MUC17: variants seen among roughly 807,000 people sequenced by gnomAD.
MUC17 encodes mucin 17, cell surface associated.
A neutral mutation model predicts 170.3 loss-of-function variants in MUC17; 190 were observed. That is an observed-to-expected ratio of 1.12 (90% CI 0.99 to 1.26). MUC17 has a LOEUF of 1.26. Ranked by LOEUF, MUC17 falls within the 50% of genes most tolerant of loss-of-function variation. The pLI, the probability that MUC17 is intolerant of heterozygous loss-of-function variation, is 0.00. For synonymous variants in MUC17, 2,325 were observed against 2,002.5 expected, an observed-to-expected ratio of 1.16 and a Z score of -4.30; for missense variants, 6,415 against 5,530.0, an observed-to-expected ratio of 1.16 and a Z score of -5.08.
intron 4 of MUC17, 144 bp from the exon 5 acceptor site, chr7:101,048,701 C>A: frequency 3.0e-5 from 21 of 704,248 alleles, no homozygotes; most frequent in East Asian, 1.4e-4. Context: ...GGAAATAAAA[C>A]AAGAAGGTGT....
Position 101,036,717 on chromosome 7 carries a change from C to G in MUC17, c.5301C>G (p.Ser1767Arg), listed in dbSNP as rs528518398. The G allele has an allele frequency of 3.7e-6, 6 of 1,612,596 alleles. No homozygotes were observed. Among genetic ancestry groups the G allele is most frequent in the Non-Finnish European group, 5.1e-6 (6 of 1,179,382 alleles). ...CGCCGGTACTCAGTTCTGAGGCTAG[C>G]ACCCTTTCAGCAACTCCTATTGACA... ...STTPVLSSEA[S>R]TLSATPIDTS... is the part of the protein sequence containing the mutation. The change falls in exon 3 of 13, where the codon AGC becomes AGG. Residue 1767 changes from serine (S) to arginine (R), a missense_variant. Ser to Arg is a moderately radical substitution (Grantham distance 110). Transcript: ENST00000306151.
At position 101,020,174 on chromosome 7, in the gene MUC17, C is replaced by T. The variant is rs755168082; in HGVS notation, c.39C>T (p.Thr13=). Residue 13 remains threonine (T), a synonymous_variant, in exon 1 of 13, where the codon ACC becomes ACT. Transcript: ENST00000306151. ...GGACCATGGCGCTGTGTCTGCTGAC[C>T]TTGGTCCTCTCGCTCTTGCCCCCAC... The part of the protein sequence containing the change: ...RPGTMALCLL[T]LVLSLLPPQA... The T allele has an allele frequency of 2.5e-6, 4 of 1,609,776 alleles. No individual in the cohort carries two copies. The East Asian group carries it at 9.0e-5, about 36-fold the overall frequency.
At position 101,041,345 on chromosome 7, in the gene MUC17, C is replaced by A; in HGVS notation, c.9929C>A (p.Thr3310Lys). ...TCAACAACTCCTGCTGACACCAGCA[C>A]ACCTGTGACCACTTATTCTCAAGCC... ...TLSTTPADTS[T>K]PVTTYSQASS... The change falls in exon 3 of 13, where the codon ACA becomes AAA. Residue 3310 changes from threonine (T) to lysine (K), a missense_variant. Physicochemically the swap from Thr to Lys is moderately conservative, Grantham distance 78. Coordinates refer to ENST00000306151, the MANE Select transcript of MUC17 (RefSeq NM_001040105.2). The A allele has an allele frequency of 6.2e-7, 1 of 1,611,464 alleles. No individual in the cohort carries two copies. The highest frequency in any genetic ancestry group is 8.5e-7 in the Non-Finnish European group (1 of 1,178,284).
rs924264870 is a variant in MUC17, at chr7:101,033,228, T to C, written c.1812T>C (p.Ser604=). ...ACTCCAACACTTTTGTGACCACTTC[T>C]AGTGAAGCTAGTTCATCTTCTACAA... ...PADSNTFVTT[S]SEASSSSTTA... is the part of the protein sequence containing the mutation. Residue 604 remains serine, a synonymous_variant, in exon 3 of 13, where the codon TCT becomes TCC. Transcript: ENST00000306151. The C allele has an allele frequency of 2.1e-5, 34 of 1,613,626 alleles. No homozygotes were observed. Among genetic ancestry groups the C allele is most frequent in the Non-Finnish European group, 2.6e-5 (31 of 1,179,968 alleles).
At chr7:101,047,080 CA>C (rs1158089498) in intron 3 of MUC17, among the ~76,000 whole-genome samples, 40 of 103,342 alleles carry the variant, frequency 3.9e-4, no homozygotes, top group South Asian at 6.0e-4. Flanking sequence ...GACTCCGTCT[CA>C]AAAAAAAAAA....
chr7:101,034,081 C>G lies in MUC17; in HGVS notation c.2665C>G (p.Pro889Ala). 6.3e-7 allele frequency: 1 copy of G among 1,585,254 alleles called. No homozygotes were observed. The highest frequency in any genetic ancestry group is 1.7e-5 in the Admixed American group (1 of 58,504). The change falls in exon 3 of 13, where the codon CCT becomes GCT. Residue 889 changes from proline to alanine, a missense_variant. Physicochemically the swap from Pro to Ala is conservative, Grantham distance 27 (BLOSUM62 -1). Coordinates refer to ENST00000306151, the MANE Select transcript of MUC17 (RefSeq NM_001040105.2). ...TSAISTLSTT[P>A]VDTSTPVTNS... ...TGCAATCAGCACCCTTTCAACAACT[C>G]CTGTTGACACCAGCACACCTGTGAC...
chr7:101,052,873 G>A, intron 9 of MUC17, 113 bp from the exon 10 acceptor site: 1 of 1,303,684 alleles, frequency 7.7e-7, no homozygotes, highest in Non-Finnish European at 1.0e-6. Context: ...TATGCCCCCT[G>A]GCAATCTCTT....
intron 3 of MUC17, among the ~76,000 whole-genome samples, chr7:101,046,923 CA>C (rs1794852331): frequency 6.6e-6 from 1 of 151,476 alleles, no homozygotes; most frequent in Admixed American, 6.6e-5. Flanking sequence ...ATTAAAAATA[CA>C]AAAAATTAGC....
intron 1 of MUC17, among the ~76,000 whole-genome samples, chr7:101,021,749 C>A (rs992791152): frequency 6.6e-6 from 1 of 152,136 alleles, no homozygotes; most frequent in African/African-American, 2.4e-5. Context: ...TCCTTTGGGA[C>A]CCTGGCCAGC....
rs149830940 is a variant in MUC17 at position 101,042,494 on chromosome 7, G to T, written c.11078G>T (p.Ser3693Ile). 1.7e-5 allele frequency: 28 copies of T among 1,613,960 alleles called. No individual in the cohort carries two copies. The East Asian group carries it at 3.6e-4, about 21-fold the overall frequency. ...CCAATCTGGACGCCTAGTGAAGGAAGCACTCCATTAACAACTATGCCTGTC... is the reference window on the plus strand; with the variant it reads ...CCAATCTGGACGCCTAGTGAAGGAATCACTCCATTAACAACTATGCCTGTC... ...TMPIWTPSEG[S>I]TPLTTMPVST... Residue 3693 changes from serine (S) to isoleucine (I), a missense_variant, in exon 3 of 13, where the codon AGC becomes ATC. Ser to Ile is a moderately radical substitution (Grantham distance 142). Coordinates refer to ENST00000306151, the MANE Select transcript of MUC17 (RefSeq NM_001040105.2).
Position 101,058,247 on chromosome 7 carries a change from G to A in MUC17, c.*203G>A. 7.0e-6 allele frequency: 3 copies of A among 430,060 alleles called. No homozygotes were observed. In the South Asian group the frequency reaches 1.7e-4, roughly 24 times the overall value. 26.6% of individuals were successfully genotyped at this position (430,060 alleles called of 1,614,324 possible). ...TAGAAACCCGTGGACGCTCCAATGGGCTTGTCATGATATCAGGCTAGGCTT... is the reference window on the plus strand; with the variant it reads ...TAGAAACCCGTGGACGCTCCAATGGACTTGTCATGATATCAGGCTAGGCTT... On this transcript the variant is annotated 3_prime_UTR_variant, in exon 13 of 13. Transcript: ENST00000306151.
chr7:101,037,299 T>C lies in MUC17; in HGVS notation c.5883T>C (p.Ser1961=). ...CCAGGACACCTGTGACCACTTATTC[T>C]CAAGCCAGTTCATCTCCTACAACTG... is the stretch of plus-strand genomic sequence containing the variant. ...ADTRTPVTTY[S]QASSSPTTAD... Residue 1961 remains serine, a synonymous_variant, in exon 3 of 13, where the codon TCT becomes TCC. Transcript: ENST00000306151. 1.2e-6 allele frequency: 2 copies of C among 1,613,738 alleles called. No homozygotes were observed. The highest frequency in any genetic ancestry group is 1.1e-5 in the South Asian group (1 of 91,046).
rs1794663421 is a variant in MUC17 at position 101,040,520 on chromosome 7, G to A, written c.9104G>A (p.Gly3035Asp). 3.1e-6 allele frequency: 5 copies of A among 1,610,592 alleles called. No individual in the cohort carries two copies. Among genetic ancestry groups the A allele is most frequent in the Non-Finnish European group, 2.5e-6 (3 of 1,178,836 alleles). ...SSSPTTAEGT[G>D]IPISTPSEGS... The stretch of plus-strand genomic sequence containing the variant: ...TCTCCTACAACTGCTGAAGGTACCG[G>A]CATACCAATCTCAACTCCTAGTGAA... Residue 3035 changes from glycine to aspartate, a missense_variant, in exon 3 of 13, where the codon GGC becomes GAC. Coordinates refer to ENST00000306151, the MANE Select transcript of MUC17 (RefSeq NM_001040105.2).
In MUC17 at chr7:101,043,600, A is replaced by G; in HGVS notation, c.12184A>G (p.Ile4062Val). 6.2e-7 allele frequency: 1 copy of G among 1,613,988 alleles called. No individual in the cohort carries two copies. The highest frequency in any genetic ancestry group is 8.5e-7 in the Non-Finnish European group (1 of 1,179,980). ...SRPSTITSHT[I>V]PPTFPPAHSS... ...GCCGTCAACAATTACTTCTCACACC[A>G]TCCCACCTACATTTCCTCCTGCTCA... is the stretch of plus-strand genomic sequence containing the variant. Residue 4062 changes from isoleucine (I) to valine (V), a missense_variant, in exon 3 of 13, where the codon ATC (isoleucine) becomes GTC (valine). Coordinates refer to ENST00000306151, the MANE Select transcript of MUC17 (RefSeq NM_001040105.2).
At chr7:101,022,815 C>CT (rs1794116569) in intron 1 of MUC17, among the ~76,000 whole-genome samples, 1 of 151,508 alleles carries the variant, frequency 6.6e-6, no homozygotes, top group Non-Finnish European at 1.5e-5. Flanking sequence ...GACCCTGTCT[C>CT]TAAAAAAAAA....
chr7:101,049,740 C>T lies in MUC17; in HGVS notation c.12722+358C>T, dbSNP rs542555949. 3.3e-5 allele frequency among the ~76,000 whole-genome samples: 5 copies of T among 152,286 alleles called. No homozygotes were observed. In the South Asian group the frequency reaches 1.0e-3, roughly 32 times the overall value. On this transcript the variant is annotated intron_variant, in intron 6 of 12. Transcript: ENST00000306151. ...ACCAGTCAGACTGGATGAGGGCCTA[C>T]ACTAATGACCTCATTTTAATTTACT...
rs947170340 is a variant in MUC17 at position 101,039,426 on chromosome 7, C to T, written c.8010C>T (p.Thr2670=). ...TRTLVTTSTG[T]SSSPTTAEGS... ...CACTTGTGACCACTTCCACTGGAAC[C>T]AGTTCATCTCCTACAACTGCTGAAG... is the stretch of plus-strand genomic sequence containing the variant. The change falls in exon 3 of 13, where the codon ACC becomes ACT. Residue 2670 remains threonine, a synonymous_variant. Coordinates refer to ENST00000306151, the MANE Select transcript of MUC17 (RefSeq NM_001040105.2). The T allele has an allele frequency of 2.5e-6, 4 of 1,612,292 alleles. No individual in the cohort carries two copies. The highest frequency in any genetic ancestry group is 3.4e-6 in the Non-Finnish European group (4 of 1,179,470).
rs778230987 is a variant in MUC17 at position 101,040,852 on chromosome 7, C to T, written c.9436C>T (p.Pro3146Ser). The change falls in exon 3 of 13, where the codon CCT (proline) becomes TCT (serine). Residue 3146 changes from proline to serine, a missense_variant. Transcript: ENST00000306151. ...CACTTCTACTGAAGCCCATTCATCT[C>T]CTACAACTTCTGAAGGTACCAGCAT... ...VTTSTEAHSS[P>S]TTSEGTSMPT... 16 of 1,610,946 alleles carry T rather than the reference C, an allele frequency of 9.9e-6. No individual in the cohort carries two copies. The highest frequency in any genetic ancestry group is 1.4e-5 in the Non-Finnish European group (16 of 1,179,124).
At position 101,036,863 on chromosome 7, in the gene MUC17, G is replaced by A. The variant is rs1245211082; in HGVS notation, c.5447G>A (p.Ser1816Asn). Reference protein sequence around the residue: ...GMTPLTSTPVSHTLVANSEAS... With the variant: ...GMTPLTSTPVNHTLVANSEAS... ...ACTCCATTAACAAGCACACCTGTCAGCCACACGCTGGTGGCCAATTCTGAG... is the reference window on the plus strand; with the variant it reads ...ACTCCATTAACAAGCACACCTGTCAACCACACGCTGGTGGCCAATTCTGAG... Residue 1816 changes from serine to asparagine, a missense_variant, in exon 3 of 13, where the codon AGC becomes AAC. Physicochemically the swap from Ser to Asn is conservative, Grantham distance 46. Transcript: ENST00000306151. 3 of 1,608,314 alleles carry A rather than the reference G, an allele frequency of 1.9e-6. No individual in the cohort carries two copies. The highest frequency in any genetic ancestry group is 2.2e-5 in the South Asian group (2 of 89,916).
Sources: allele counts gnomAD v4.1 joint callset (sites outside exome capture counted in the v4.1 genomes callset), GRCh38; gene constraint gnomAD v4.1.1; transcripts MANE v1.5; gene names NCBI Gene and HGNC (gene_info 2026-07-23, HGNC 2026-07-21).